The following TNRC6C variants were observed in gnomAD, a reference collection of about 807,000 sequenced individuals.
The protein encoded by TNRC6C is trinucleotide repeat-containing gene 6C protein.
Under a neutral mutation model 153.7 loss-of-function variants are expected in TNRC6C, and 20 were observed. That is an observed-to-expected ratio of 0.13 (90% confidence interval 0.09 to 0.19). TNRC6C has a LOEUF of 0.19. Ranked by LOEUF, TNRC6C falls within the 10% of genes least tolerant of loss-of-function variation. The pLI is 1.00. For missense variants in TNRC6C, 1,987 were observed against 2,172.0 expected, an observed-to-expected ratio of 0.91 and a Z score of 1.69; for synonymous variants, 811 against 841.4, an observed-to-expected ratio of 0.96 and a Z score of 0.63.
intron 2 of TNRC6C, among the ~76,000 whole-genome samples, chr17:78,041,271 T>A (rs1171943640): frequency 6.6e-6 from 1 of 152,148 alleles, no homozygotes; most frequent in Admixed American, 6.5e-5. Context: ...CAATTCAGAT[T>A]GGATAAAATG....
rs146275720 is a variant in TNRC6C at position 77,990,019 on chromosome 17, G to A, written c.-37-14151G>A. 8.8e-3 allele frequency among the ~76,000 whole-genome samples: 1,345 copies of A among 152,046 alleles called. 14 individuals carry two copies. The highest frequency in any genetic ancestry group is 0.039 in the South Asian group (186 of 4,820). On this transcript the variant is annotated intron_variant, in intron 1 of 22. Coordinates refer to the TNRC6C transcript ENST00000636222. The stretch of plus-strand genomic sequence containing the variant: ...GTTTAATGTTTCAAGCATCTCAAAC[G>A]CGAGGTGTCCTTCTCCAGTGTTTAT...
chr17:78,015,868 T>G (rs2071718416), intron 1 of TNRC6C, among the ~76,000 whole-genome samples: 1 of 152,144 alleles, frequency 6.6e-6, no homozygotes, highest in South Asian at 2.1e-4. Flanking sequence ...GCCGAGATCA[T>G]GCCATTGCAC....
In TNRC6C at chr17:78,062,656, T is replaced by C. The variant is rs115361584; in HGVS notation, c.2396-2066T>C. On this transcript the variant is annotated intron_variant, in intron 3 of 19. Coordinates refer to ENST00000301624, the Ensembl canonical transcript of TNRC6C. ...GAAGCAAAAGATTAGAATTTGAGTT[T>C]ATTTGGAAAAATAAAATTGACCTAT... Among the ~76,000 whole-genome samples, 1,389 of 152,346 alleles carry C rather than the reference T, an allele frequency of 9.1e-3. 22 individuals are homozygous for C. Among genetic ancestry groups the C allele is most frequent in the African/African-American group, 0.031 (1,293 of 41,582 alleles).
chr17:78,084,984 G>A (rs939797080), intron 11 of TNRC6C, among the ~76,000 whole-genome samples: 4 of 152,138 alleles, frequency 2.6e-5, no homozygotes, highest in Non-Finnish European at 5.9e-5. Context: ...GTGAGGAATC[G>A]CTGTGGGGAG....
At chr17:78,012,029 CTAGAG>C (rs1457998828) in intron 1 of TNRC6C, 8 of 152,038 alleles carry the variant, frequency 5.3e-5, no homozygotes, top group Non-Finnish European at 8.8e-5. Context: ...AAATTGGCCT[CTAGAG>C]TTGGGCAGAA....
intron 3 of TNRC6C, among the ~76,000 whole-genome samples, chr17:78,059,933 A>G (rs1269303498): frequency 6.6e-6 from 1 of 152,066 alleles, no homozygotes; most frequent in Non-Finnish European, 1.5e-5. Context: ...TAAAATCTGT[A>G]TTAGTATCGT....
intron 1 of TNRC6C, among the ~76,000 whole-genome samples, chr17:77,981,058 C>T (rs1367148398): frequency 6.6e-6 from 1 of 152,130 alleles, no homozygotes; most frequent in South Asian, 2.1e-4. Flanking sequence ...TCACTGCAGC[C>T]TCAACCTCCT....
chr17:77,984,021 A>G (rs1044045292), intron 1 of TNRC6C, among the ~76,000 whole-genome samples: 2 of 152,190 alleles, frequency 1.3e-5, no homozygotes, highest in Admixed American at 6.5e-5. Flanking sequence ...GAGGGTGTGT[A>G]TGGAAGCCAA....
chr17:78,023,043 TG>T (rs2071866630), intron 1 of TNRC6C, among the ~76,000 whole-genome samples: 1 of 152,120 alleles, frequency 6.6e-6, no homozygotes, highest in African/African-American at 2.4e-5. Flanking sequence ...CCCAGCTATT[TG>T]GGAGGCTGAG....
Position 78,077,404 on chromosome 17 carries a change from A to G in TNRC6C, c.3210+70A>G, listed in dbSNP as rs886452425. ...GCCTTCTAAAAAATGTGTTTGAGACATAAACTTACTTATTTATAGTTAATA... is the reference window on the plus strand; with the variant it reads ...GCCTTCTAAAAAATGTGTTTGAGACGTAAACTTACTTATTTATAGTTAATA... On this transcript the variant is annotated intron_variant, in intron 9 of 19. Transcript: ENST00000301624. 8 of 1,531,612 alleles carry G rather than the reference A, an allele frequency of 5.2e-6. 1 individual carries two copies. Among genetic ancestry groups the G allele is most frequent in the Admixed American group, 4.0e-5 (2 of 50,626 alleles). 94.9% of individuals were successfully genotyped at this position (1,531,612 alleles called of 1,614,324 possible).
At chr17:78,072,266 G>A (rs932695769) in intron 6 of TNRC6C, among the ~76,000 whole-genome samples, 25 of 152,214 alleles carry the variant, frequency 1.6e-4, no homozygotes, top group Non-Finnish European at 1.5e-5. Context: ...TGGCACCCTA[G>A]CGGCTTCAGT....
intron 10 of TNRC6C, among the ~76,000 whole-genome samples, chr17:78,081,081 G>A (rs2144413195): frequency 6.6e-6 from 1 of 152,296 alleles, no homozygotes; most frequent in East Asian, 1.9e-4. Flanking sequence ...AGAAGATTCA[G>A]TGTCTGGTGA....
intron 3 of TNRC6C, among the ~76,000 whole-genome samples, chr17:78,053,444 A>G (rs557557862): frequency 4.3e-4 from 66 of 152,234 alleles, no homozygotes; most frequent in African/African-American, 1.5e-3. Flanking sequence ...AGCCTGACCA[A>G]CAAGGTGAAA....
intron 3 of TNRC6C, among the ~76,000 whole-genome samples, chr17:78,060,253 A>G (rs1206253587): frequency 2.0e-5 from 3 of 152,166 alleles, no homozygotes; most frequent in Non-Finnish European, 4.4e-5. Flanking sequence ...ATTTCAGATA[A>G]GAAAGTTTTA....
intron 2 of TNRC6C, among the ~76,000 whole-genome samples, chr17:78,044,449 G>T (rs77307352): frequency 6.6e-6 from 1 of 152,048 alleles, no homozygotes; most frequent in African/African-American, 2.4e-5. Flanking sequence ...GAATAGGTAC[G>T]CCTTGCCTTC....
Position 77,992,429 on chromosome 17 carries a change from C to T in TNRC6C, c.-37-11741C>T, listed in dbSNP as rs541668152. On this transcript the variant is annotated intron_variant, in intron 1 of 22. Coordinates refer to the TNRC6C transcript ENST00000636222. ...AGGAGAATGGCGTGAACCCGGGAGG[C>T]GGAGCTTGCAGTGAGTCGAGATCGC... Among the ~76,000 whole-genome samples the T allele has an allele frequency of 1.5e-3, 75 of 50,366 alleles. 12 individuals are homozygous for T. The highest frequency in any genetic ancestry group is 1.9e-3 in the Non-Finnish European group (58 of 30,700). 33.0% of individuals were successfully genotyped at this position (50,366 alleles called of 152,430 possible).
chr17:78,095,992 A>C (rs776925806), intron 16 of TNRC6C, among the ~76,000 whole-genome samples: 4 of 152,230 alleles, frequency 2.6e-5, no homozygotes, highest in Non-Finnish European at 4.4e-5. Context: ...TCAAGGCTGC[A>C]GTGAGCTGTG....
intron 1 of TNRC6C, among the ~76,000 whole-genome samples, chr17:77,978,567 G>C (rs2144095561): frequency 6.6e-6 from 1 of 152,306 alleles, no homozygotes; most frequent in African/African-American, 2.4e-5. Flanking sequence ...TAAAGAGGCA[G>C]AATAAACATT....
At chr17:78,020,587 A>C (rs1477948851) in intron 1 of TNRC6C, among the ~76,000 whole-genome samples, 1 of 152,254 alleles carries the variant, frequency 6.6e-6, no homozygotes, top group East Asian at 1.9e-4. Flanking sequence ...AGCACCATTC[A>C]AAAGAAATAA....
Sources: allele counts gnomAD v4.1 joint callset (sites outside exome capture counted in the v4.1 genomes callset), GRCh38; gene constraint gnomAD v4.1.1; transcripts MANE v1.5; gene names NCBI Gene and HGNC (gene_info 2026-07-23, HGNC 2026-07-21).